The following SLC14A2 variants were observed in gnomAD, a reference collection of about 807,000 sequenced individuals.
SLC14A2 encodes the protein urea transporter 2.
In SLC14A2, 91 loss-of-function variants were observed where a neutral mutation model predicts 104.6. The observed-to-expected ratio is 0.87, with a 90% CI of 0.73 to 1.04. SLC14A2 has a LOEUF of 1.04. Among genes scored for constraint, SLC14A2 ranks in the 50% least tolerant of loss-of-function variants. The pLI is 0.00. For missense variants in SLC14A2, 1,189 were observed against 1,156.0 expected, an observed-to-expected ratio of 1.03 and a Z score of -0.41; for synonymous variants, 476 against 466.4, an observed-to-expected ratio of 1.02 and a Z score of -0.27.
intron 1 of SLC14A2, among the ~76,000 whole-genome samples, chr18:45,263,707 G>A (rs1027528272): frequency 1.3e-5 from 2 of 152,116 alleles, no homozygotes; most frequent in African/African-American, 4.8e-5. Flanking sequence ...GATATTTATT[G>A]TATTCTGCTG....
chr18:45,507,420 C>T (rs984303313), intron 2 of SLC14A2: 1 of 152,346 alleles, frequency 6.6e-6, no homozygotes, highest in Non-Finnish European at 1.5e-5. Flanking sequence ...CTTTGGTAAG[C>T]TCTGCCCCAT....
At chr18:45,236,117 A>G (rs1226235889) in intron 1 of SLC14A2, among the ~76,000 whole-genome samples, 2 of 63,118 alleles carry the variant, frequency 3.2e-5, no homozygotes, top group Non-Finnish European at 5.5e-5. Flanking sequence ...GTGTATATAT[A>G]CATATATGTG....
At chr18:45,624,385 A>G (rs2045225415) in intron 1 of SLC14A2, among the ~76,000 whole-genome samples, 1 of 152,238 alleles carries the variant, frequency 6.6e-6, no homozygotes, top group African/African-American at 2.4e-5. Context: ...AGAGACTTCC[A>G]TTCTGACTCA....
the SLC14A2 span, among the ~76,000 whole-genome samples, chr18:45,179,585 C>T: frequency 6.6e-6 from 1 of 152,170 alleles, no homozygotes; most frequent in Non-Finnish European, 1.5e-5. Context: ...CAGCTGACAT[C>T]AGACCTTTCC....
chr18:45,196,973 T>C, the SLC14A2 span, among the ~76,000 whole-genome samples: 2 of 152,170 alleles, frequency 1.3e-5, no homozygotes, highest in Non-Finnish European at 2.9e-5. Context: ...GGGGAAGACA[T>C]CTCTAAGGTA....
At chr18:45,170,968 G>T in the SLC14A2 span, among the ~76,000 whole-genome samples, 7 of 152,024 alleles carry the variant, frequency 4.6e-5, no homozygotes, top group African/African-American at 1.7e-4. Flanking sequence ...AATCTAGTTA[G>T]GGAAATCAGA....
At chr18:45,278,484 C>T (rs190190966) in intron 1 of SLC14A2, among the ~76,000 whole-genome samples, 1 of 152,262 alleles carries the variant, frequency 6.6e-6, no homozygotes, top group Admixed American at 6.5e-5. Context: ...TTCTCACTGA[C>T]CCTGGCTGAG....
At chr18:45,181,927 A>C in the SLC14A2 span, among the ~76,000 whole-genome samples, 1 of 152,288 alleles carries the variant, frequency 6.6e-6, no homozygotes, top group African/African-American at 2.4e-5. Flanking sequence ...CTCTTTAAAA[A>C]CTTGGGTTAA....
chr18:45,177,490 T>C, the SLC14A2 span, among the ~76,000 whole-genome samples: 4,676 of 152,272 alleles, frequency 0.031, 246 homozygotes, highest in African/African-American at 0.11. Flanking sequence ...ATACATCGTG[T>C]TCCAGCCGCA....
chr18:45,425,003 C>A (rs772013036), intron 1 of SLC14A2, among the ~76,000 whole-genome samples: 1 of 152,188 alleles, frequency 6.6e-6, no homozygotes, highest in Non-Finnish European at 1.5e-5. Context: ...ATTCAGCAAA[C>A]CCTCTTAGAG....
intron 1 of SLC14A2, among the ~76,000 whole-genome samples, chr18:45,415,226 A>G (rs1337863777): frequency 1.3e-5 from 2 of 152,160 alleles, no homozygotes; most frequent in African/African-American, 2.4e-5. Flanking sequence ...ACTGCAGACT[A>G]GTAAAGAAAC....
intron 1 of SLC14A2, among the ~76,000 whole-genome samples, chr18:45,458,316 G>T (rs2086981634): frequency 1.3e-5 from 2 of 151,878 alleles, no homozygotes; most frequent in African/African-American, 2.4e-5. Context: ...TGTCACAGGG[G>T]TCAAGGACCA....
In SLC14A2 at chr18:45,662,846, C is replaced by G. The variant is rs539183215; in HGVS notation, c.1352-939C>G. ...AGAGCAAGGTAAAACTGCATACCCC[C>G]CAGGATCACCAGATTTTCCAATTAC... On this transcript the variant is annotated intron_variant, in intron 10 of 19. Coordinates refer to ENST00000255226, the MANE Select transcript of SLC14A2 (RefSeq NM_007163.4). Among the ~76,000 whole-genome samples the G allele has an allele frequency of 2.0e-5, 3 of 152,112 alleles. No homozygotes were observed. In the South Asian group the frequency reaches 6.2e-4, roughly 32 times the overall value.
chr18:45,454,189 C>T (rs923626595), intron 1 of SLC14A2, among the ~76,000 whole-genome samples: 1 of 152,106 alleles, frequency 6.6e-6, no homozygotes, highest in Non-Finnish European at 1.5e-5. Flanking sequence ...ATCAAAGAAG[C>T]TTAGAGCTGG....
chr18:45,323,472 G>A (rs1033574338), intron 1 of SLC14A2, among the ~76,000 whole-genome samples: 1 of 152,158 alleles, frequency 6.6e-6, no homozygotes, highest in Non-Finnish European at 1.5e-5. Context: ...AAAGAGAAAT[G>A]GAGGTTTAAG....
intron 2 of SLC14A2, among the ~76,000 whole-genome samples, chr18:45,530,146 G>A (rs569260794): frequency 6.6e-6 from 1 of 152,298 alleles, no homozygotes; most frequent in South Asian, 2.1e-4. Context: ...CATTCATGAA[G>A]TGTTTATTGA....
intron 1 of SLC14A2, among the ~76,000 whole-genome samples, chr18:45,458,807 G>A (rs924845610): frequency 6.6e-6 from 1 of 152,070 alleles, no homozygotes; most frequent in African/African-American, 2.4e-5. Flanking sequence ...AGAGAGTGAG[G>A]GTAGAGTCAC....
At chr18:45,334,250 G>A (rs8084524) in intron 1 of SLC14A2, among the ~76,000 whole-genome samples, 10,108 of 152,168 alleles carry the variant, frequency 0.066, 609 homozygotes, top group African/African-American at 0.16. Flanking sequence ...AAGAACAATT[G>A]CATTTTGCTT....
chr18:45,326,977 T>C (rs896975384), intron 1 of SLC14A2, among the ~76,000 whole-genome samples: 1 of 152,166 alleles, frequency 6.6e-6, no homozygotes, highest in African/African-American at 2.4e-5. Context: ...CTATTTGAGA[T>C]ATCTCTATAT....
Sources: allele counts gnomAD v4.1 joint callset (sites outside exome capture counted in the v4.1 genomes callset), GRCh38; gene constraint gnomAD v4.1.1; transcripts MANE v1.5; gene names NCBI Gene and HGNC (gene_info 2026-07-23, HGNC 2026-07-21).